Variants in DOCK5 observed in about 807,000 individuals in gnomAD.
The protein encoded by DOCK5 is dedicator of cytokinesis 5.
DOCK5 carries 142 observed loss-of-function variants against 251.8 expected under a neutral mutation model. The observed-to-expected ratio is 0.56, with a 90% CI of 0.49 to 0.65. The LOEUF is 0.65. Ranked by LOEUF, DOCK5 falls within the 30% of genes least tolerant of loss-of-function variation. The pLI is 0.00. For missense variants in DOCK5, 2,111 were observed against 2,312.3 expected (o/e 0.91, Z 1.79); for synonymous variants, 842 against 835.5 (o/e 1.01, Z -0.13).
chr8:25,243,332 CTTTT>C (rs539379147), intron 1 of DOCK5, among the ~76,000 whole-genome samples: 2 of 138,674 alleles, frequency 1.4e-5, no homozygotes. Flanking sequence ...GACATGCATT[CTTTT>C]TTTTTTTTTT....
At chr8:25,310,151 C>T (rs1805050400) in intron 12 of DOCK5, among the ~76,000 whole-genome samples, 1 of 151,988 alleles carries the variant, frequency 6.6e-6, no homozygotes, top group African/African-American at 2.4e-5. Flanking sequence ...ACTATATATT[C>T]TGGTATCTGG....
chr8:25,203,054 G>A (rs1801917160), intron 1 of DOCK5, among the ~76,000 whole-genome samples: 1 of 152,152 alleles, frequency 6.6e-6, no homozygotes, highest in Non-Finnish European at 1.5e-5. Context: ...CTTGATAAGA[G>A]TGCTACCAAA....
intron 40 of DOCK5, among the ~76,000 whole-genome samples, chr8:25,387,318 A>G (rs1273815198): frequency 6.6e-6 from 1 of 152,028 alleles, no homozygotes; most frequent in African/African-American, 2.4e-5. Flanking sequence ...AGGTGGGATT[A>G]CAGGTGTGCA....
At chr8:25,235,146 T>C (rs756074125) in intron 1 of DOCK5, among the ~76,000 whole-genome samples, 1 of 152,232 alleles carries the variant, frequency 6.6e-6, no homozygotes, top group Non-Finnish European at 1.5e-5. Flanking sequence ...AAGAATGTAC[T>C]GTTGCCTCCC....
rs532284825 is a variant in DOCK5 at position 25,285,474 on chromosome 8, GT to G, written c.322-6547del. ...AAGTGAATTTAATTGCTAACATGTAGTTTGTACAAAGGACTGATCTCCCCTC... is the reference window on the plus strand; with the variant it reads ...AAGTGAATTTAATTGCTAACATGTAGTTGTACAAAGGACTGATCTCCCCTC... On this transcript the variant is annotated intron_variant, in intron 5 of 51. Coordinates refer to ENST00000276440, the MANE Select transcript of DOCK5 (RefSeq NM_024940.8). Among the ~76,000 whole-genome samples, 46 of 152,098 alleles carry G rather than the reference GT, an allele frequency of 3.0e-4. 1 individual carries two copies. The highest frequency in any genetic ancestry group is 5.0e-4 in the Non-Finnish European group (34 of 68,012).
chr8:25,362,235 A>AAAGG (rs1800695980), intron 28 of DOCK5, among the ~76,000 whole-genome samples: 1 of 152,110 alleles, frequency 6.6e-6, no homozygotes. Context: ...GTCCTTTTCT[A>AAAGG]ACCATAATAA....
At chr8:25,379,820 T>C (rs1312776037) in intron 38 of DOCK5, among the ~76,000 whole-genome samples, 1 of 150,776 alleles carries the variant, frequency 6.6e-6, no homozygotes, top group Non-Finnish European at 1.5e-5. Flanking sequence ...TTAGCCTTTT[T>C]CCATCTCCAC....
chr8:25,274,621 G>A (rs1012326085), intron 3 of DOCK5, among the ~76,000 whole-genome samples: 1 of 152,118 alleles, frequency 6.6e-6, no homozygotes, highest in African/African-American at 2.4e-5. Flanking sequence ...GCCTCTTAGG[G>A]ATATAGAATG....
At chr8:25,304,522 A>G (rs1385069500) in intron 11 of DOCK5, 195 bp downstream of exon 11, 5 of 507,216 alleles carry the variant, frequency 9.9e-6, no homozygotes, top group Non-Finnish European at 1.7e-5. Flanking sequence ...GAAGAGGGTA[A>G]ACTGAACTTT....
chr8:25,229,068 C>CAAAA (rs534068390), intron 1 of DOCK5, among the ~76,000 whole-genome samples: 1 of 87,610 alleles, frequency 1.1e-5, no homozygotes, highest in Non-Finnish European at 2.5e-5. Flanking sequence ...TCATGTCTAC[C>CAAAA]AAAAAAAAAA....
At chr8:25,382,807 C>T (rs1801093051) in intron 40 of DOCK5, 29 bp downstream of exon 40, 7 of 1,556,754 alleles carry the variant, frequency 4.5e-6, no homozygotes, top group African/African-American at 1.4e-5. Context: ...GTCTCCCAGG[C>T]CATTAGGAGG....
chr8:25,320,093 G>A (rs1289731444), intron 15 of DOCK5, among the ~76,000 whole-genome samples: 1 of 152,076 alleles, frequency 6.6e-6, no homozygotes, highest in Admixed American at 6.5e-5. Context: ...GCCCCACAAG[G>A]GCTCTGCAAC....
chr8:25,330,622 C>T (rs1259574305), intron 18 of DOCK5, among the ~76,000 whole-genome samples: 1 of 152,064 alleles, frequency 6.6e-6, no homozygotes, highest in Non-Finnish European at 1.5e-5. Flanking sequence ...CTCTATGTGG[C>T]ATTGGAAGTT....
At chr8:25,364,777 T>G in intron 30 of DOCK5, 73 bp downstream of exon 30, 5 of 1,122,400 alleles carry the variant, frequency 4.5e-6, no homozygotes, top group Non-Finnish European at 6.5e-6. Context: ...ATTTGGAAAA[T>G]GTCTCCTCAG....
chr8:25,192,804 G>T (rs535653717), intron 1 of DOCK5, among the ~76,000 whole-genome samples: 1 of 152,034 alleles, frequency 6.6e-6, no homozygotes, highest in Non-Finnish European at 1.5e-5. Flanking sequence ...CAGCTACCAC[G>T]CTCAGCCTAT....
intron 1 of DOCK5, among the ~76,000 whole-genome samples, chr8:25,241,215 G>A (rs1466534943): frequency 1.3e-5 from 2 of 152,178 alleles, no homozygotes; most frequent in Non-Finnish European, 2.9e-5. Context: ...GGTGGCTCAC[G>A]CCTGTAATCC....
rs751838448 is a variant in DOCK5, at chr8:25,278,594, G to A, written c.250G>A (p.Glu84Lys). Residue 84 changes from glutamate (E) to lysine (K), a missense_variant, in exon 5 of 52, where the codon GAG becomes AAG. By Grantham distance (56) the Glu-to-Lys change is moderately conservative. Around this residue, in one of 3 missense-constraint regions of DOCK5, gnomAD observed 335 missense variants for 324.9 expected, o/e 1.03. Transcript: ENST00000276440. ...LGQHETVIPG[E>K]LPLVQELTST... is the part of the protein sequence containing the mutation. ...GCAGCATGAAACCGTGATTCCTGGCGAGCTCCCCCTGGTGCAGGAGCTCAC... is the reference window on the plus strand; with the variant it reads ...GCAGCATGAAACCGTGATTCCTGGCAAGCTCCCCCTGGTGCAGGAGCTCAC... 2.5e-6 allele frequency: 4 copies of A among 1,613,904 alleles called. No homozygotes were observed. The highest frequency in any genetic ancestry group is 1.7e-5 in the Admixed American group (1 of 60,018).
At chr8:25,393,876 C>T (rs530137521) in intron 44 of DOCK5, among the ~76,000 whole-genome samples, 1 of 152,124 alleles carries the variant, frequency 6.6e-6, no homozygotes, top group African/African-American at 2.4e-5. Flanking sequence ...TGGCACTTAG[C>T]CTAAAGTAGG....
chr8:25,287,312 G>A (rs1804361656), intron 5 of DOCK5, among the ~76,000 whole-genome samples: 1 of 152,190 alleles, frequency 6.6e-6, no homozygotes, highest in South Asian at 2.1e-4. Context: ...TGTGATCCCA[G>A]CTACTTGGGA....
Sources: allele counts gnomAD v4.1 joint callset (sites outside exome capture counted in the v4.1 genomes callset), GRCh38; gene constraint gnomAD v4.1.1; regional missense constraint gnomAD v4.1.1; transcripts MANE v1.5; gene names NCBI Gene and HGNC (gene_info 2026-07-23, HGNC 2026-07-21).